Variants in RNF123 observed in about 807,000 individuals in gnomAD.
The protein encoded by RNF123 is E3 ubiquitin-protein ligase RNF123.
Under a neutral mutation model 168.5 loss-of-function variants are expected in RNF123, and 86 were observed. The observed-to-expected ratio is 0.51, with a 90% CI of 0.43 to 0.61. The LOEUF is 0.61. Ranked by LOEUF, RNF123 falls within the 20% of genes least tolerant of loss-of-function variation. RNF123 has a pLI of 0.00. For synonymous variants in RNF123, 666 were observed against 689.1 expected, an observed-to-expected ratio of 0.97 and a Z score of 0.52; for missense variants, 1,419 against 1,729.7, an observed-to-expected ratio of 0.82 and a Z score of 3.19.
At chr3:49,713,611 CAG>C in intron 28 of RNF123, 24 bp downstream of exon 28, 1 of 1,606,668 alleles carries the variant, frequency 6.2e-7, no homozygotes, top group Non-Finnish European at 8.5e-7. Flanking sequence ...ACAGAGGGTA[CAG>C]GGGGAGGGGG....
Position 49,715,955 on chromosome 3 carries a change from T to C in RNF123, c.3284T>C (p.Ile1095Thr). 1 of 1,614,032 alleles carries C rather than the reference T, an allele frequency of 6.2e-7. No individual in the cohort carries two copies. Among genetic ancestry groups the C allele is most frequent in the Non-Finnish European group, 8.5e-7 (1 of 1,180,030 alleles). ...LEMTITLVPE[I>T]FLDWTRPTSE... ...ATGACTATCACACTGGTGCCTGAGA[T>C]ATTCCTTGACTGGACCCGGCCTACC... Residue 1095 changes from isoleucine to threonine, a missense_variant, in exon 33 of 39, where the codon ATA becomes ACA. Coordinates refer to ENST00000327697, the MANE Select transcript of RNF123 (RefSeq NM_022064.5).
intron 27 of RNF123, chr3:49,712,916 C>A: frequency 1.4e-6 from 1 of 703,458 alleles, no homozygotes; most frequent in East Asian, 2.7e-5. Context: ...TCTTGGCTTT[C>A]ACTTCCTTCC....
intron 3 of RNF123, 65 bp from the exon 4 acceptor site, chr3:49,697,078 G>C: frequency 7.4e-7 from 1 of 1,353,188 alleles, no homozygotes; most frequent in Non-Finnish European, 1.1e-6. Flanking sequence ...GAAAGGATGG[G>C]ATTTAGTGTC....
At chr3:49,719,046 C>CAG (rs765327531) in intron 35 of RNF123, 8 of 1,613,778 alleles carry the variant, frequency 5.0e-6, no homozygotes, top group Non-Finnish European at 6.8e-6. Flanking sequence ...GGTTATTGAA[C>CAG]AGAAGCAGCT....
At chr3:49,719,294 C>T (rs757807294) in intron 35 of RNF123, 15 of 1,612,988 alleles carry the variant, frequency 9.3e-6, no homozygotes, top group Non-Finnish European at 8.5e-6. Context: ...GCAGGTAACT[C>T]GGCTGGCACG....
chr3:49,713,246 C>T (rs572169927), intron 27 of RNF123: 469 of 591,944 alleles, frequency 7.9e-4, no homozygotes, highest in Non-Finnish European at 1.0e-3. Flanking sequence ...GCTTTGACTG[C>T]TCATCAGGTG....
In RNF123 at chr3:49,703,496, G is replaced by A. The variant is rs756190566; in HGVS notation, c.1820G>A (p.Gly607Asp). ...VDYFDLQRLGGLLSHLRKTLK... is the reference protein window; with the variant it reads ...VDYFDLQRLGDLLSHLRKTLK... The stretch of plus-strand genomic sequence containing the variant: ...TACTTTGACCTGCAGCGCCTGGGGG[G>A]CCTCCTCTCGCACCTGCGGAAGACC... Residue 607 changes from glycine (G) to aspartate (D), a missense_variant, in exon 21 of 39, where the codon GGC (glycine) becomes GAC (aspartate). Transcript: ENST00000327697. 6.2e-7 allele frequency: 1 copy of A among 1,614,122 alleles called. No homozygotes were observed. Among genetic ancestry groups the A allele is most frequent in the Non-Finnish European group, 8.5e-7 (1 of 1,179,978 alleles).
Position 49,715,935 on chromosome 3 carries a change from T to TTG in RNF123, c.3264_3265insTG (p.Ile1089Ter). The TTG allele has an allele frequency of 6.2e-7, 1 of 1,614,086 alleles. No individual in the cohort carries two copies. Among genetic ancestry groups the TTG allele is most frequent in the Non-Finnish European group, 8.5e-7 (1 of 1,180,044 alleles). On this transcript the variant is annotated frameshift_variant, in exon 33 of 39. Coordinates refer to ENST00000327697, the MANE Select transcript of RNF123 (RefSeq NM_022064.5). LOFTEE classifies it high-confidence loss of function. The stretch of plus-strand genomic sequence containing the variant: ...GCCTGCTGCGTGTCTTGGAGATGAC[T>TTG]ATCACACTGGTGCCTGAGATATTCC...
intron 27 of RNF123, chr3:49,713,028 G>A: frequency 1.5e-6 from 1 of 671,582 alleles, no homozygotes; most frequent in Non-Finnish European, 2.7e-6. Flanking sequence ...GGGCAGAATG[G>A]TTTGTCTTGG....
At chr3:49,705,783 C>A in intron 24 of RNF123, 104 bp downstream of exon 24, 1 of 1,552,778 alleles carries the variant, frequency 6.4e-7, no homozygotes, top group South Asian at 1.2e-5. Flanking sequence ...CTGTTCAAGA[C>A]CGTGCATGGG....
chr3:49,699,036 C>G lies in RNF123; in HGVS notation c.695C>G (p.Ala232Gly), dbSNP rs779968385. ...AACCTGTCCAGGGGCCTGGGTATGG[C>G]CTACTTCCCAGCCATCAGCCTCTCT... The part of the protein sequence containing the change: ...FENLSRGLGM[A>G]YFPAISLSFK... Residue 232 changes from alanine (A) to glycine (G), a missense_variant, in exon 10 of 39, where the codon GCC (alanine) becomes GGC (glycine). Around this residue, in one of 5 missense-constraint regions of RNF123, gnomAD observed 318 missense variants for 446.6 expected, o/e 0.71. Coordinates refer to ENST00000327697, the MANE Select transcript of RNF123 (RefSeq NM_022064.5). This position sits in a 1 kb window ranked among gnomAD's most constrained non-coding sequence, Gnocchi z 4.8. The G allele has an allele frequency of 6.2e-7, 1 of 1,613,950 alleles. No individual in the cohort carries two copies. The highest frequency in any genetic ancestry group is 8.5e-7 in the Non-Finnish European group (1 of 1,180,030).
At position 49,712,543 on chromosome 3, in the gene RNF123, G is replaced by A. The variant is rs34823813; in HGVS notation, c.2561G>A (p.Arg854His). 0.09 allele frequency: 146,025 copies of A among 1,614,116 alleles called. 7,270 individuals carry two copies. Among genetic ancestry groups the A allele is most frequent in the Non-Finnish European group, 0.1 (119,759 of 1,180,012 alleles). The change falls in exon 27 of 39, where the codon CGC becomes CAC. Residue 854 changes from arginine (R) to histidine (H), a missense_variant. This residue lies in a region of RNF123 where 538 missense variants were observed against 708.8 expected (regional missense o/e 0.76). Coordinates refer to ENST00000327697, the MANE Select transcript of RNF123 (RefSeq NM_022064.5). Reference protein sequence around the residue: ...VCLRTIEHGDRTGSLFAFMPE... With the variant: ...VCLRTIEHGDHTGSLFAFMPE... ...CTGCGGACCATTGAGCACGGTGATC[G>A]CACAGGGTCTCTCTTTGCCTTCATG...
chr3:49,704,767 G>T lies in RNF123; in HGVS notation c.1959+11G>T, dbSNP rs370111411. On this transcript the variant is annotated intron_variant, in intron 22 of 38. Coordinates refer to ENST00000327697, the MANE Select transcript of RNF123 (RefSeq NM_022064.5). ...CCAGCTATGGCCCAGGTGCCGCAGT[G>T]GGGGCAGGCGGTGGGATTTGTGTTG... 4.0e-5 allele frequency: 62 copies of T among 1,560,926 alleles called. No individual in the cohort carries two copies. Among genetic ancestry groups the T allele is most frequent in the Non-Finnish European group, 5.2e-5 (60 of 1,152,570 alleles).
chr3:49,690,724 T>C (rs1317690699), intron 1 of RNF123, among the ~76,000 whole-genome samples: 1 of 152,204 alleles, frequency 6.6e-6, no homozygotes, highest in Admixed American at 6.5e-5. Flanking sequence ...ATGTGTAGGA[T>C]TGTCGCTTCT....
chr3:49,694,958 A>G (rs905906391), intron 3 of RNF123, among the ~76,000 whole-genome samples: 3 of 152,166 alleles, frequency 2.0e-5, no homozygotes, highest in Non-Finnish European at 4.4e-5. Context: ...AGGAGATCCA[A>G]AAAGGTCAGG....
intron 21 of RNF123, among the ~76,000 whole-genome samples, chr3:49,704,252 G>A (rs1220333775): frequency 2.0e-5 from 3 of 152,156 alleles, no homozygotes; most frequent in Non-Finnish European, 4.4e-5. Flanking sequence ...TGCCCAGAAT[G>A]AAGCAGCCCT....
At chr3:49,701,721 C>A in intron 16 of RNF123, 90 bp from the exon 17 acceptor site, 1 of 1,465,194 alleles carries the variant, frequency 6.8e-7, no homozygotes, top group Non-Finnish European at 9.5e-7. Context: ...TCCCTGAAGC[C>A]CTGGAGATGG....
intron 20 of RNF123, 22 bp downstream of exon 20, chr3:49,702,775 G>A: frequency 6.2e-7 from 1 of 1,613,902 alleles, no homozygotes; most frequent in Non-Finnish European, 8.5e-7. Flanking sequence ...CGGGGTCCCA[G>A]GTCAGTGAGG....
Position 49,716,528 on chromosome 3 carries a change from G to A in RNF123, c.3500+51G>A, listed in dbSNP as rs775664108. 9 of 1,503,372 alleles carry A rather than the reference G, an allele frequency of 6.0e-6. No homozygotes were observed. The South Asian group carries it at 1.0e-4, about 17-fold the overall frequency. 93.1% of individuals were successfully genotyped at this position (1,503,372 alleles called of 1,614,324 possible). A position where few individuals can be genotyped will look rare whatever the true frequency, so the allele number is the denominator to read the frequency against. ...TGTGGGAGTTGGGTGTGTCTGGTGA[G>A]GAGGGGCTGGACAGGGCCTCCTGGT... On this transcript the variant is annotated intron_variant, in intron 35 of 38. Transcript: ENST00000327697.
Sources: allele counts gnomAD v4.1 joint callset (sites outside exome capture counted in the v4.1 genomes callset), GRCh38; gene constraint gnomAD v4.1.1; regional missense constraint gnomAD v4.1.1; non-coding constraint Gnocchi (gnomAD v3.1); transcripts MANE v1.5; gene names NCBI Gene and HGNC (gene_info 2026-07-23, HGNC 2026-07-21).